Variants in ANKS1A observed in about 807,000 individuals in gnomAD.
ANKS1A encodes the protein ankyrin repeat and SAM domain-containing protein 1A.
Under a neutral mutation model 120.3 loss-of-function variants are expected in ANKS1A, and 55 were observed. The ratio of observed to expected loss-of-function variants is 0.46; its 90% CI spans 0.37 to 0.57. The LOEUF is 0.57. ANKS1A is among the 20% of genes least tolerant of loss of function. ANKS1A has a pLI of 0.00. For synonymous variants in ANKS1A, 590 were observed against 604.7 expected, an observed-to-expected ratio of 0.98 and a Z score of 0.36; for missense variants, 1,123 against 1,480.3, an observed-to-expected ratio of 0.76 and a Z score of 3.96.
At chr6:34,956,206 A>G (rs1770352332) in intron 1 of ANKS1A, among the ~76,000 whole-genome samples, 1 of 151,520 alleles carries the variant, frequency 6.6e-6, no homozygotes, top group Admixed American at 6.6e-5. Context: ...TTTAATTTCC[A>G]AGAACTTTTC....
intron 1 of ANKS1A, among the ~76,000 whole-genome samples, chr6:34,950,046 A>G (rs1769994558): frequency 6.6e-6 from 1 of 152,120 alleles, no homozygotes; most frequent in South Asian, 2.1e-4. Flanking sequence ...GTTTGTGTGT[A>G]TGTTGTTAAA....
intron 3 of ANKS1A, among the ~76,000 whole-genome samples, chr6:34,970,475 T>G (rs1271996970): frequency 1.3e-5 from 2 of 152,100 alleles, no homozygotes; most frequent in Non-Finnish European, 2.9e-5. Context: ...TTCCAGGACC[T>G]CCCCATAGAT....
In ANKS1A at chr6:35,082,382, C is replaced by T. The variant is rs1263426177; in HGVS notation, c.2710-309C>T. On this transcript the variant is annotated intron_variant, in intron 17 of 23. Coordinates refer to ENST00000360359, the MANE Select transcript of ANKS1A (RefSeq NM_015245.3). The surrounding 1 kb of genome is among the most constrained non-coding windows in gnomAD (Gnocchi z 4.1). The stretch of plus-strand genomic sequence containing the variant: ...AGCCTGGCAGCCTGTGCCCCCCACA[C>T]AGACTCTGCCATCTCCTCTCTGGTC... Among the ~76,000 whole-genome samples the T allele has an allele frequency of 6.6e-6, 1 of 151,924 alleles. No homozygotes were observed. The highest frequency in any genetic ancestry group is 1.5e-5 in the Non-Finnish European group (1 of 67,982).
rs1776290931 is a variant in ANKS1A, at chr6:35,057,842, T to C, written c.2078-2305T>C. The stretch of plus-strand genomic sequence containing the variant: ...GGCAAGTAGGGGGGTCACTTACCTG[T>C]GGGCTATGCCCTTTGGGTCTGGTCA... On this transcript the variant is annotated intron_variant, in intron 12 of 23. Transcript: ENST00000360359. The surrounding 1 kb of genome is among the most constrained non-coding windows in gnomAD (Gnocchi z 4.1). 6.6e-6 allele frequency among the ~76,000 whole-genome samples: 1 copy of C among 152,270 alleles called. No homozygotes were observed. The highest frequency in any genetic ancestry group is 2.4e-5 in the African/African-American group (1 of 41,470).
intron 1 of ANKS1A, among the ~76,000 whole-genome samples, chr6:34,953,382 T>C (rs937308221): frequency 1.3e-5 from 2 of 152,064 alleles, no homozygotes; most frequent in African/African-American, 4.8e-5. Flanking sequence ...TGAATATCAA[T>C]TAAAAAGGCA....
chr6:34,946,481 G>A (rs564949790), intron 1 of ANKS1A, among the ~76,000 whole-genome samples: 1 of 151,770 alleles, frequency 6.6e-6, no homozygotes, highest in South Asian at 2.1e-4. Flanking sequence ...CCAGCTACTC[G>A]GGAGGCTGAG....
chr6:35,042,579 GT>G (rs1179444895), intron 11 of ANKS1A, among the ~76,000 whole-genome samples: 13 of 152,350 alleles, frequency 8.5e-5, no homozygotes, highest in African/African-American at 2.9e-4. Flanking sequence ...CGGACCTTAT[GT>G]ATGTGTGAGC....
intron 3 of ANKS1A, among the ~76,000 whole-genome samples, chr6:34,978,805 CAAAAAAA>C (rs67799235): frequency 1.0e-5 from 1 of 96,914 alleles, no homozygotes; most frequent in South Asian, 3.7e-4. Context: ...AACTCCGTCT[CAAAAAAA>C]AAAAAAAAAA....
In ANKS1A at chr6:35,086,236, C is replaced by T; in HGVS notation, c.3303+300C>T. The T allele has an allele frequency of 7.3e-7, 1 of 1,368,398 alleles. No homozygotes were observed. The highest frequency in any genetic ancestry group is 9.6e-7 in the Non-Finnish European group (1 of 1,036,320). The allele number at this position is 1,368,398 out of a possible 1,614,324, so 84.8% of individuals were successfully genotyped here. A position where few individuals can be genotyped will look rare whatever the true frequency, so the allele number is the denominator to read the frequency against. On this transcript the variant is annotated intron_variant, in intron 22 of 23. Coordinates refer to ENST00000360359, the MANE Select transcript of ANKS1A (RefSeq NM_015245.3). The surrounding 1 kb of genome is among the most constrained non-coding windows in gnomAD (Gnocchi z 5.1). ...GGCAGCCCCCAGTAACTGCGCCATC[C>T]CTGTGTCTGTGTCTGCTTTGCTCTG...
intron 1 of ANKS1A, among the ~76,000 whole-genome samples, chr6:34,937,554 G>C (rs1202138725): frequency 6.6e-6 from 1 of 152,144 alleles, no homozygotes; most frequent in Non-Finnish European, 1.5e-5. Flanking sequence ...GCCTTTGAAG[G>C]AGGAGGAGAA....
In ANKS1A at chr6:34,973,882, CCTTCA is replaced by C. The variant is rs1191747781; in HGVS notation, c.435+3721_435+3725del. On this transcript the variant is annotated intron_variant, in intron 3 of 23. Transcript: ENST00000360359. ...TGCCCTCCCCTTCCCTTCCCCTTCC[CCTTCA>C]CTTCCCCTTCCCTTCCCCTTCCCCT... Among the ~76,000 whole-genome samples the C allele has an allele frequency of 1.1e-3, 93 of 85,562 alleles. 4 individuals carry two copies. The highest frequency in any genetic ancestry group is 5.1e-3 in the African/African-American group (86 of 16,768). The allele number at this position is 85,562 out of a possible 152,430, so 56.1% of individuals were successfully genotyped here.
Position 34,940,339 on chromosome 6 carries a change from A to G in ANKS1A, c.198-26900A>G, listed in dbSNP as rs567788267. Among the ~76,000 whole-genome samples, 4 of 152,340 alleles carry G rather than the reference A, an allele frequency of 2.6e-5. No individual in the cohort carries two copies. In the East Asian group the frequency reaches 5.8e-4, roughly 22 times the overall value. ...GTGATGTTTTACATTGTTTCTGTTGAAAAATGTACTTAACCAATGTGCAGA... is the reference window on the plus strand; with the variant it reads ...GTGATGTTTTACATTGTTTCTGTTGGAAAATGTACTTAACCAATGTGCAGA... On this transcript the variant is annotated intron_variant, in intron 1 of 23. Coordinates refer to ENST00000360359, the MANE Select transcript of ANKS1A (RefSeq NM_015245.3).
intron 3 of ANKS1A, among the ~76,000 whole-genome samples, chr6:34,975,523 G>T (rs1270270477): frequency 6.6e-6 from 1 of 151,916 alleles, no homozygotes; most frequent in Non-Finnish European, 1.5e-5. Flanking sequence ...AATTTGGGAG[G>T]CTGGGGCTGA....
chr6:34,996,081 A>C (rs1177192154), intron 10 of ANKS1A, among the ~76,000 whole-genome samples: 3 of 152,220 alleles, frequency 2.0e-5, no homozygotes, highest in Non-Finnish European at 4.4e-5. Flanking sequence ...TCTACTTGCT[A>C]TATATATCAT....
Position 35,082,636 on chromosome 6 carries a change from GCCCATGTGCT to G in ANKS1A, c.2710-52_2710-43del. 1 of 1,546,128 alleles carries G rather than the reference GCCCATGTGCT, an allele frequency of 6.5e-7. No homozygotes were observed. The highest frequency in any genetic ancestry group is 1.2e-5 in the South Asian group (1 of 82,076). ...TGAGTGTGCTGGAGCCAGGCAGCAA[GCCCATGTGCT>G]CCTCTGGAGCAAGGAGCAGGTGTCC... On this transcript the variant is annotated intron_variant, in intron 17 of 23. Coordinates refer to ENST00000360359, the MANE Select transcript of ANKS1A (RefSeq NM_015245.3). This position sits in a 1 kb window ranked among gnomAD's most constrained non-coding sequence, Gnocchi z 4.1.
chr6:35,073,838 G>A (rs1404442998), intron 13 of ANKS1A, among the ~76,000 whole-genome samples: 1 of 152,188 alleles, frequency 6.6e-6, no homozygotes, highest in Admixed American at 6.5e-5. Flanking sequence ...AAGAGGGTGT[G>A]GTAACTTCCA....
At chr6:34,972,631 T>G (rs1771240833) in intron 3 of ANKS1A, 1 of 985,394 alleles carries the variant, frequency 1.0e-6, no homozygotes, top group Non-Finnish European at 1.2e-6. Flanking sequence ...TTGACCCTTA[T>G]ATCAATGCCA....
intron 1 of ANKS1A, among the ~76,000 whole-genome samples, chr6:34,909,564 G>A (rs1767809182): frequency 2.0e-5 from 3 of 152,180 alleles, no homozygotes; most frequent in Admixed American, 2.0e-4. Flanking sequence ...AAAGATAATG[G>A]CAATTTCTTC....
At chr6:35,080,119 C>T (rs1777595924) in intron 16 of ANKS1A, among the ~76,000 whole-genome samples, 191 bp downstream of exon 16, 1 of 152,144 alleles carries the variant, frequency 6.6e-6, no homozygotes, top group Non-Finnish European at 1.5e-5. Flanking sequence ...GATGGCCGAT[C>T]AAACACATAA....
Sources: gnomAD v4.1 joint callset for allele counts (sites outside exome capture counted in the v4.1 genomes callset) on GRCh38, gnomAD v4.1.1 for gene constraint, Gnocchi (gnomAD v3.1) non-coding constraint, MANE v1.5 for transcripts, NCBI Gene and HGNC (gene_info 2026-07-23, HGNC 2026-07-21) for gene names.